The following LRRFIP1 variants were observed in gnomAD, a reference collection of about 807,000 sequenced individuals.
LRRFIP1 encodes LRR binding FLII interacting protein 1.
A neutral mutation model predicts 104.4 loss-of-function variants in LRRFIP1; 62 were observed. That is an observed-to-expected ratio of 0.59 (90% CI 0.48 to 0.73). The LOEUF is 0.73. Among genes scored for constraint, LRRFIP1 ranks in the 30% least tolerant of loss-of-function variants. LRRFIP1 has a pLI of 0.00. For synonymous variants in LRRFIP1, 300 were observed against 299.0 expected (o/e 1.00, Z -0.03); for missense variants, 796 against 824.5 (o/e 0.97, Z 0.42).
rs188496700 is a variant in LRRFIP1, at chr2:237,764,641, A to G, written c.1459+4436A>G. ...ATAACCTGTATGGTATTTTATTTAA[A>G]GGAGATAAACAGCCAAATAGCAAAT... On this transcript the variant is annotated intron_variant, in intron 19 of 23. Coordinates refer to ENST00000308482, the MANE Select transcript of LRRFIP1 (RefSeq NM_001137550.2). 8.1e-6 allele frequency: 8 copies of G among 988,764 alleles called. No individual in the cohort carries two copies. The East Asian group carries it at 4.5e-4, about 55-fold the overall frequency. 61.2% of individuals were successfully genotyped at this position (988,764 alleles called of 1,614,324 possible). A position where few individuals can be genotyped will look rare whatever the true frequency, so the allele number is the denominator to read the frequency against.
intron 1 of LRRFIP1, chr2:237,684,131 T>A (rs892684966): frequency 1.3e-5 from 2 of 151,816 alleles, no homozygotes; most frequent in Admixed American, 6.6e-5. Flanking sequence ...TGAGGGAATC[T>A]CTGGAAAAAA....
At chr2:237,752,445 C>T (rs1417889231) in intron 14 of LRRFIP1, among the ~76,000 whole-genome samples, 2 of 152,194 alleles carry the variant, frequency 1.3e-5, no homozygotes, top group African/African-American at 2.4e-5. Flanking sequence ...CTGAACCAAC[C>T]GGAGACCCGC....
chr2:237,718,764 A>G (rs1438975916), intron 4 of LRRFIP1, among the ~76,000 whole-genome samples: 1 of 152,224 alleles, frequency 6.6e-6, no homozygotes, highest in African/African-American at 2.4e-5. Flanking sequence ...CGTACTGGGT[A>G]TAAAAGAGGT....
chr2:237,748,893 G>T (rs538522397), intron 12 of LRRFIP1, among the ~76,000 whole-genome samples: 3 of 152,118 alleles, frequency 2.0e-5, no homozygotes, highest in Non-Finnish European at 4.4e-5. Flanking sequence ...TCACAGTTCC[G>T]CATGGCTGGG....
At chr2:237,712,929 G>A (rs553837464) in intron 2 of LRRFIP1, among the ~76,000 whole-genome samples, 22 of 152,306 alleles carry the variant, frequency 1.4e-4, no homozygotes, top group South Asian at 4.1e-4. Flanking sequence ...AAATGAATAC[G>A]TTTTGGAAGA....
chr2:237,704,653 A>G lies in LRRFIP1; in HGVS notation c.97-3891A>G, dbSNP rs555569654. Among the ~76,000 whole-genome samples the G allele has an allele frequency of 2.8e-4, 42 of 152,348 alleles. 2 individuals are homozygous for G. Among genetic ancestry groups the G allele is most frequent in the African/African-American group, 7.7e-4 (32 of 41,584 alleles). ...CTAAGTTGCCACTTCCGGTATTGCC[A>G]GCACTTTGTTTTCCACATATGAGTC... On this transcript the variant is annotated intron_variant, in intron 1 of 23. Coordinates refer to ENST00000308482, the MANE Select transcript of LRRFIP1 (RefSeq NM_001137550.2).
At position 237,769,924 on chromosome 2, in the gene LRRFIP1, G is replaced by A. The variant is rs779956143; in HGVS notation, c.1460-19G>A. On this transcript the variant is annotated intron_variant, in intron 19 of 23. Coordinates refer to ENST00000308482, the MANE Select transcript of LRRFIP1 (RefSeq NM_001137550.2). ...GGCACGCGGATTCACCTAAACCTGTGTCTTTGTGATTTCTTTAGATATTAG... is the reference window on the plus strand; with the variant it reads ...GGCACGCGGATTCACCTAAACCTGTATCTTTGTGATTTCTTTAGATATTAG... 1.3e-6 allele frequency: 2 copies of A among 1,586,176 alleles called. No homozygotes were observed. The highest frequency in any genetic ancestry group is 2.3e-5 in the East Asian group (1 of 44,298).
At chr2:237,763,210 C>T (rs116660856) in intron 19 of LRRFIP1, 151 of 1,613,880 alleles carry the variant, frequency 9.4e-5, no homozygotes, top group East Asian at 1.6e-4. Flanking sequence ...GGGATCACAA[C>T]GAAGAAGAGG....
chr2:237,753,567 G>A (rs2058891045), intron 15 of LRRFIP1, 88 bp downstream of exon 15: 3 of 1,158,066 alleles, frequency 2.6e-6, no homozygotes, highest in Admixed American at 2.9e-5. Context: ...AGGCCAAGGT[G>A]GGAGGATTAC....
At chr2:237,692,343 G>A (rs1331116581) in intron 1 of LRRFIP1, 2 of 1,261,962 alleles carry the variant, frequency 1.6e-6, no homozygotes, top group Non-Finnish European at 2.0e-6. Context: ...ACTTAGCGGC[G>A]AGTGGCTCCG....
rs2085470260 is a variant in LRRFIP1 at position 237,649,188 on chromosome 2, C to T, written c.96+21448C>T. On this transcript the variant is annotated intron_variant, in intron 1 of 23. Transcript: ENST00000308482. This position sits in a 1 kb window ranked among gnomAD's most constrained non-coding sequence, Gnocchi z 4.1. ...CTCTGTGACCTGGCTGGGTCAAAGC[C>T]TGGCCCCAGAACAGCCCCTCCCTCC... is the stretch of plus-strand genomic sequence containing the variant. Among the ~76,000 whole-genome samples the T allele has an allele frequency of 6.6e-6, 1 of 151,840 alleles. No individual in the cohort carries two copies. Among genetic ancestry groups the T allele is most frequent in the Non-Finnish European group, 1.5e-5 (1 of 67,916 alleles).
chr2:237,635,627 G>A (rs1179637947), intron 1 of LRRFIP1, among the ~76,000 whole-genome samples: 1 of 152,192 alleles, frequency 6.6e-6, no homozygotes, highest in Non-Finnish European at 1.5e-5. Flanking sequence ...TTCAAGTCCA[G>A]CTTGGGCAAC....
chr2:237,718,101 G>A (rs376841193), intron 4 of LRRFIP1, among the ~76,000 whole-genome samples: 1 of 152,168 alleles, frequency 6.6e-6, no homozygotes, highest in Admixed American at 6.5e-5. Context: ...TACCACAGCC[G>A]CCCTGATCTC....
chr2:237,690,130 T>C (rs2092665505), intron 1 of LRRFIP1, among the ~76,000 whole-genome samples: 1 of 152,102 alleles, frequency 6.6e-6, no homozygotes, highest in Non-Finnish European at 1.5e-5. Flanking sequence ...GTTAGGAAAA[T>C]GTGTCTTGTG....
chr2:237,709,362 G>A (rs1374073271), intron 2 of LRRFIP1, among the ~76,000 whole-genome samples: 1 of 152,128 alleles, frequency 6.6e-6, no homozygotes, highest in Non-Finnish European at 1.5e-5. Context: ...TGCCCTGTGG[G>A]GCCAAGGGAC....
At chr2:237,668,484 G>C (rs902051684) in intron 1 of LRRFIP1, among the ~76,000 whole-genome samples, 3 of 152,046 alleles carry the variant, frequency 2.0e-5, no homozygotes, top group Admixed American at 6.6e-5. Flanking sequence ...CATAGCTTCC[G>C]GGATACATTT....
At chr2:237,635,167 G>A (rs919908171) in intron 1 of LRRFIP1, among the ~76,000 whole-genome samples, 12 of 152,144 alleles carry the variant, frequency 7.9e-5, no homozygotes, top group Non-Finnish European at 1.6e-4. Flanking sequence ...GTATTCACAT[G>A]TCTGAAAATG....
chr2:237,627,975 C>T (rs2081824018), intron 1 of LRRFIP1, among the ~76,000 whole-genome samples: 1 of 150,990 alleles, frequency 6.6e-6, no homozygotes, highest in Admixed American at 6.6e-5. Context: ...CCGGGCCCAG[C>T]CCGCGACGCT....
intron 17 of LRRFIP1, among the ~76,000 whole-genome samples, chr2:237,758,464 AC>A (rs1195427038): frequency 6.6e-6 from 1 of 151,978 alleles, no homozygotes; most frequent in Non-Finnish European, 1.5e-5. Flanking sequence ...AAATATAGTA[AC>A]CTCTGGGGCC....
Sources: allele counts gnomAD v4.1 joint callset (sites outside exome capture counted in the v4.1 genomes callset), GRCh38; gene constraint gnomAD v4.1.1; non-coding constraint Gnocchi (gnomAD v3.1); transcripts MANE v1.5; gene names NCBI Gene and HGNC (gene_info 2026-07-23, HGNC 2026-07-21).